MAP2K4: variants seen among roughly 807,000 people sequenced by gnomAD.
MAP2K4 encodes the protein mitogen-activated protein kinase kinase 4, also known as dual specificity mitogen-activated protein kinase kinase 4.
MAP2K4 carries 4 observed loss-of-function variants against 48.5 expected under a neutral mutation model. That is an observed-to-expected ratio of 0.08 (90% CI 0.04 to 0.19). MAP2K4 has a LOEUF of 0.19. MAP2K4 is among the 10% of genes least tolerant of loss of function. The probability of loss-of-function intolerance (pLI) is 1.00; values close to 1 mark genes in which losing one functional copy is unlikely to be tolerated. For synonymous variants in MAP2K4, 166 were observed against 173.1 expected (o/e 0.96, Z 0.32); for missense variants, 258 against 493.3 (o/e 0.52, Z 4.52).
At chr17:12,078,726 G>GA (rs1285588548) in intron 2 of MAP2K4, among the ~76,000 whole-genome samples, 1 of 151,964 alleles carries the variant, frequency 6.6e-6, no homozygotes, top group Non-Finnish European at 1.5e-5. Flanking sequence ...TACTGTTTAT[G>GA]TTCTTTCTTT....
At chr17:12,044,529 T>C (rs1361313468) in intron 1 of MAP2K4, among the ~76,000 whole-genome samples, 1 of 152,246 alleles carries the variant, frequency 6.6e-6, no homozygotes, top group Non-Finnish European at 1.5e-5. Flanking sequence ...TCAGATCTGA[T>C]TGTTTTGATG....
At chr17:12,124,335 A>G (rs1218968598) in intron 7 of MAP2K4, 1 of 152,168 alleles carries the variant, frequency 6.6e-6, no homozygotes, top group Non-Finnish European at 1.5e-5. Flanking sequence ...CCCTAATTTC[A>G]AGGAAATGTA....
In MAP2K4 at chr17:12,090,056, C is replaced by G. The variant is rs140760787; in HGVS notation, c.394-5519C>G. On this transcript the variant is annotated intron_variant, in intron 3 of 10. Transcript: ENST00000353533. ...CCTAGGAACTGACATCTGTCATGTC[C>G]TCCGTAGAACTTCTGTTTATGAAGT... Among the ~76,000 whole-genome samples, 724 of 152,262 alleles carry G rather than the reference C, an allele frequency of 4.8e-3. 2 individuals carry two copies. The highest frequency in any genetic ancestry group is 0.041 in the Middle Eastern group (12 of 294).
intron 5 of MAP2K4, among the ~76,000 whole-genome samples, chr17:12,109,940 C>CAACATAGTGAGA (rs1365555366): frequency 6.6e-6 from 1 of 151,736 alleles, no homozygotes; most frequent in Non-Finnish European, 1.5e-5. Context: ...TCAGCTTGGG[C>CAACATAGTGAGA]AACATAGTGA....
At chr17:12,040,931 GTCTC>G (rs1969758562) in intron 1 of MAP2K4, among the ~76,000 whole-genome samples, 2 of 151,992 alleles carry the variant, frequency 1.3e-5, no homozygotes, top group African/African-American at 4.8e-5. Context: ...AATTATTAAA[GTCTC>G]TCTCTCATAA....
chr17:12,120,621 C>T (rs1972659189), intron 7 of MAP2K4, among the ~76,000 whole-genome samples: 1 of 141,778 alleles, frequency 7.1e-6, no homozygotes, highest in East Asian at 2.2e-4. Context: ...ATTCATAACA[C>T]AAGAAGAAAT....
At chr17:12,087,641 G>T (rs2151554158) in intron 3 of MAP2K4, among the ~76,000 whole-genome samples, 1 of 151,356 alleles carries the variant, frequency 6.6e-6, no homozygotes, top group Admixed American at 6.6e-5. Flanking sequence ...TAATTAATGG[G>T]GCTAAGATAC....
At chr17:12,070,271 G>C (rs889171768) in intron 2 of MAP2K4, among the ~76,000 whole-genome samples, 6 of 151,956 alleles carry the variant, frequency 3.9e-5, no homozygotes, top group African/African-American at 1.4e-4. Flanking sequence ...CTCATGTGCA[G>C]GAAAAAGAAA....
intron 3 of MAP2K4, among the ~76,000 whole-genome samples, chr17:12,094,327 C>G (rs546765619): frequency 6.6e-6 from 1 of 152,322 alleles, no homozygotes; most frequent in East Asian, 1.9e-4. Context: ...GAACCTACTT[C>G]TGTTCCTTAA....
At chr17:12,064,258 A>C (rs1035365563) in intron 2 of MAP2K4, among the ~76,000 whole-genome samples, 2 of 152,090 alleles carry the variant, frequency 1.3e-5, no homozygotes, top group African/African-American at 2.4e-5. Context: ...CATTTAAAAA[A>C]ATTTTTTGTA....
At chr17:12,065,394 G>A (rs1240657369) in intron 2 of MAP2K4, among the ~76,000 whole-genome samples, 1 of 151,322 alleles carries the variant, frequency 6.6e-6, no homozygotes, top group East Asian at 1.9e-4. Flanking sequence ...CGCCTACTGG[G>A]TTGAAGTGAT....
At chr17:12,055,994 C>G (rs1970273337) in intron 2 of MAP2K4, among the ~76,000 whole-genome samples, 1 of 152,084 alleles carries the variant, frequency 6.6e-6, no homozygotes, top group Non-Finnish European at 1.5e-5. Flanking sequence ...TTTTTACCTT[C>G]TCTGAAACAT....
intron 1 of MAP2K4, among the ~76,000 whole-genome samples, chr17:12,028,144 T>A (rs1320011357): frequency 6.6e-6 from 1 of 152,242 alleles, no homozygotes; most frequent in Non-Finnish European, 1.5e-5. Flanking sequence ...AATTGTAAGT[T>A]ACTGTCTCAG....
intron 9 of MAP2K4, among the ~76,000 whole-genome samples, chr17:12,131,247 TTTTTC>T (rs1018337558): frequency 6.6e-6 from 1 of 151,580 alleles, no homozygotes; most frequent in Non-Finnish European, 1.5e-5. Context: ...TTTTTTTTTT[TTTTTC>T]TTTCTTGTTT....
chr17:12,035,768 GTC>G (rs1469829084), intron 1 of MAP2K4, among the ~76,000 whole-genome samples: 5 of 152,202 alleles, frequency 3.3e-5, no homozygotes, highest in African/African-American at 1.2e-4. Flanking sequence ...AGTCTGATAA[GTC>G]TGAGTACTGG....
intron 2 of MAP2K4, among the ~76,000 whole-genome samples, chr17:12,080,156 T>G (rs1971143883): frequency 1.3e-5 from 2 of 152,274 alleles, no homozygotes; most frequent in African/African-American, 4.8e-5. Flanking sequence ...AAGTTCTAAG[T>G]TTTTTGGGAA....
intron 1 of MAP2K4, among the ~76,000 whole-genome samples, chr17:12,043,386 A>G (rs1969856830): frequency 6.6e-6 from 1 of 152,154 alleles, no homozygotes; most frequent in East Asian, 1.9e-4. Flanking sequence ...CGTGTATCCA[A>G]CAATTGAATT....
intron 2 of MAP2K4, among the ~76,000 whole-genome samples, chr17:12,057,925 T>C (rs1970330597): frequency 6.6e-6 from 1 of 152,282 alleles, no homozygotes; most frequent in East Asian, 1.9e-4. Context: ...AGTTTTTCTT[T>C]TACCTCTTTC....
chr17:12,100,552 C>T (rs1971905933), intron 4 of MAP2K4, among the ~76,000 whole-genome samples: 1 of 151,990 alleles, frequency 6.6e-6, no homozygotes, highest in Admixed American at 6.6e-5. Context: ...TGTACATAAG[C>T]TTTTATTTTC....
Sources: gnomAD v4.1 joint callset for allele counts (sites outside exome capture counted in the v4.1 genomes callset) on GRCh38, gnomAD v4.1.1 for gene constraint, MANE v1.5 for transcripts, NCBI Gene and HGNC (gene_info 2026-07-23, HGNC 2026-07-21) for gene names.